Variants in NCKAP5 observed in about 807,000 individuals in gnomAD.
NCKAP5 encodes NCK associated protein 5.
NCKAP5 carries 92 observed loss-of-function variants against 167.0 expected under a neutral mutation model. That is an observed-to-expected ratio of 0.55 (90% CI 0.47 to 0.66). The LOEUF (loss-of-function observed/expected upper bound fraction) is 0.66, where lower values mean the gene tolerates loss of function less well. NCKAP5 is among the 30% of genes least tolerant of loss of function. The pLI is 0.00. For synonymous variants in NCKAP5, 891 were observed against 877.4 expected, an observed-to-expected ratio of 1.02 and a Z score of -0.27; for missense variants, 2,378 against 2,315.0, an observed-to-expected ratio of 1.03 and a Z score of -0.56.
At chr2:133,121,276 T>C (rs1228189655) in intron 6 of NCKAP5, among the ~76,000 whole-genome samples, 1 of 151,748 alleles carries the variant, frequency 6.6e-6, no homozygotes, top group Non-Finnish European at 1.5e-5. Flanking sequence ...TCAAAGAAAC[T>C]TAAAAGACAT....
chr2:133,018,807 G>A (rs1218453236), intron 6 of NCKAP5, among the ~76,000 whole-genome samples: 1 of 152,110 alleles, frequency 6.6e-6, no homozygotes, highest in Non-Finnish European at 1.5e-5. Flanking sequence ...GTAATTCTAG[G>A]GAAATTTTAT....
the NCKAP5 span, among the ~76,000 whole-genome samples, chr2:133,638,219 G>T: frequency 2.0e-5 from 3 of 152,100 alleles, no homozygotes; most frequent in South Asian, 6.2e-4. Flanking sequence ...GGTAAGCAAA[G>T]AAACTTTTAA....
At position 133,280,418 on chromosome 2, in the gene NCKAP5, A is replaced by T. The variant is rs555707501; in HGVS notation, c.143+22619T>A. ...CGTTTGTTTATTTATTTATTTATTT[A>T]TTTTTTGAGACAGGGTCTGACTCTC... On this transcript the variant is annotated intron_variant, in intron 4 of 19. Transcript: ENST00000409261. Among the ~76,000 whole-genome samples, 9 of 152,072 alleles carry T rather than the reference A, an allele frequency of 5.9e-5. No individual in the cohort carries two copies. In the East Asian group the frequency reaches 7.7e-4, roughly 13 times the overall value.
intron 8 of NCKAP5, among the ~76,000 whole-genome samples, chr2:132,881,067 T>G (rs886332878): frequency 6.6e-6 from 1 of 152,218 alleles, no homozygotes; most frequent in Admixed American, 6.5e-5. Context: ...AATAATGTCA[T>G]TGATAGCAAT....
the NCKAP5 span, among the ~76,000 whole-genome samples, chr2:133,638,593 C>T: frequency 0.094 from 14,373 of 152,160 alleles, 780 homozygotes; most frequent in African/African-American, 0.12. Context: ...GGGGCAGTGG[C>T]TCACGCCTAT....
At chr2:133,135,858 A>G (rs2149815936) in intron 5 of NCKAP5, among the ~76,000 whole-genome samples, 1 of 152,258 alleles carries the variant, frequency 6.6e-6, no homozygotes, top group South Asian at 2.1e-4. Flanking sequence ...ATAAAAATAA[A>G]ATATGGCTAA....
chr2:133,254,910 T>C (rs1280477942), intron 4 of NCKAP5, among the ~76,000 whole-genome samples: 1 of 151,968 alleles, frequency 6.6e-6, no homozygotes, highest in Non-Finnish European at 1.5e-5. Context: ...TAATAAATAA[T>C]GTAAATGGAA....
intron 6 of NCKAP5, among the ~76,000 whole-genome samples, chr2:133,089,832 C>T (rs78912822): frequency 0.066 from 9,974 of 152,200 alleles, 382 homozygotes; most frequent in African/African-American, 0.1. Flanking sequence ...GGGATGACAA[C>T]AAAAGTTCCG....
intron 4 of NCKAP5, among the ~76,000 whole-genome samples, chr2:133,253,232 T>A (rs2088440841): frequency 6.6e-6 from 1 of 152,198 alleles, no homozygotes; most frequent in Non-Finnish European, 1.5e-5. Context: ...GCAGATTCCT[T>A]AAGAAATTCT....
intron 9 of NCKAP5, among the ~76,000 whole-genome samples, chr2:132,875,581 C>A (rs12476027): frequency 0.14 from 21,682 of 152,132 alleles, 2,516 homozygotes; most frequent in African/African-American, 0.3. Flanking sequence ...ATTGAAGTGC[C>A]ATGCAGTGGT....
At chr2:133,192,376 G>A (rs10928446) in intron 5 of NCKAP5, among the ~76,000 whole-genome samples, 95,978 of 151,842 alleles carry the variant, frequency 0.63, 31,151 homozygotes, top group East Asian at 0.83. Flanking sequence ...CTTGCTACCA[G>A]TAGCACAAAT....
intron 6 of NCKAP5, among the ~76,000 whole-genome samples, chr2:133,105,906 C>T (rs1043097096): frequency 3.3e-5 from 5 of 152,168 alleles, no homozygotes; most frequent in African/African-American, 1.2e-4. Context: ...TGCGCTTTCA[C>T]AGGCATAGAA....
intron 3 of NCKAP5, among the ~76,000 whole-genome samples, chr2:133,305,460 C>T (rs1394825547): frequency 6.6e-6 from 1 of 152,172 alleles, no homozygotes; most frequent in East Asian, 1.9e-4. Context: ...TGCCAAATAG[C>T]AAGCATGGCC....
intron 5 of NCKAP5, among the ~76,000 whole-genome samples, chr2:133,164,347 C>G (rs1456669265): frequency 6.6e-6 from 1 of 152,116 alleles, no homozygotes; most frequent in Admixed American, 6.5e-5. Context: ...AAGGTAAAAA[C>G]GAGCTCTGGA....
chr2:133,585,843 G>A, the NCKAP5 span, among the ~76,000 whole-genome samples: 1 of 152,324 alleles, frequency 6.6e-6, no homozygotes. Flanking sequence ...GGACCTCAAA[G>A]TCTGTGCTCT....
chr2:132,870,313 T>C lies in NCKAP5; in HGVS notation c.649-1339A>G, dbSNP rs544164961. Among the ~76,000 whole-genome samples, 7 of 152,324 alleles carry C rather than the reference T, an allele frequency of 4.6e-5. No homozygotes were observed. In the East Asian group the frequency reaches 1.2e-3, roughly 25 times the overall value. On this transcript the variant is annotated intron_variant, in intron 9 of 19. Coordinates refer to ENST00000409261, the MANE Select transcript of NCKAP5 (RefSeq NM_207363.3). ...TATGTAGCTACATGGCTACTGTTGA[T>C]AAAATTAAGGTGGACAGGTGAACTA... is the stretch of plus-strand genomic sequence containing the variant.
intron 12 of NCKAP5, 94 bp from the exon 13 acceptor site, chr2:132,790,299 C>A (rs999839904): frequency 3.6e-6 from 4 of 1,125,698 alleles, no homozygotes; most frequent in African/African-American, 1.6e-5. Flanking sequence ...AATACAGATG[C>A]TCCTCAACTT....
chr2:133,222,162 C>CA (rs925788572), intron 4 of NCKAP5, among the ~76,000 whole-genome samples: 1 of 151,834 alleles, frequency 6.6e-6, no homozygotes, highest in African/African-American at 2.4e-5. Flanking sequence ...TTACACTCTG[C>CA]AAAAAAATTA....
intron 11 of NCKAP5, among the ~76,000 whole-genome samples, chr2:132,799,016 T>C (rs1034293749): frequency 2.6e-5 from 4 of 151,800 alleles, no homozygotes; most frequent in African/African-American, 4.8e-5. Context: ...TGCAAATAAG[T>C]AGTGGAATGG....
Sources: gnomAD v4.1 joint callset for allele counts (sites outside exome capture counted in the v4.1 genomes callset) on GRCh38, gnomAD v4.1.1 for gene constraint, MANE v1.5 for transcripts, NCBI Gene and HGNC (gene_info 2026-07-23, HGNC 2026-07-21) for gene names.